MYO18B: variants seen among roughly 807,000 people sequenced by gnomAD.
MYO18B encodes unconventional myosin-XVIIIb.
Under a neutral mutation model 273.0 loss-of-function variants are expected in MYO18B, and 204 were observed. The ratio of observed to expected loss-of-function variants is 0.75; its 90% CI spans 0.67 to 0.84. The LOEUF (loss-of-function observed/expected upper bound fraction) is 0.84. Ranked by LOEUF, MYO18B falls within the 40% of genes least tolerant of loss-of-function variation. The pLI, the probability that MYO18B is intolerant of heterozygous loss-of-function variation, is 0.00. For missense variants in MYO18B, 3,212 were observed against 3,287.6 expected, an observed-to-expected ratio of 0.98 and a Z score of 0.56; for synonymous variants, 1,330 against 1,305.7, an observed-to-expected ratio of 1.02 and a Z score of -0.40.
intron 17 of MYO18B, among the ~76,000 whole-genome samples, chr22:25,839,154 A>C (rs1490334025): frequency 1.3e-5 from 2 of 150,602 alleles, no homozygotes; most frequent in African/African-American, 4.9e-5. Flanking sequence ...GAGTGTGTAT[A>C]TATGTGTGTG....
At chr22:25,798,165 C>T (rs1011357221) in intron 12 of MYO18B, 68 bp downstream of exon 12, 3 of 1,500,770 alleles carry the variant, frequency 2.0e-6, no homozygotes, top group Non-Finnish European at 1.8e-6. Context: ...TGACAAGGCC[C>T]TTCTCTCGGA....
At chr22:26,051,400 T>G in the MYO18B span, among the ~76,000 whole-genome samples, 2 of 152,042 alleles carry the variant, frequency 1.3e-5, no homozygotes, top group Non-Finnish European at 2.9e-5. Context: ...ATTTTTTGTA[T>G]TTTTAGTAGA....
Position 25,768,465 on chromosome 22 carries a change from C to T in MYO18B, c.549C>T (p.Pro183=), listed in dbSNP as rs41281573. Residue 183 remains proline, a synonymous_variant, in exon 4 of 44, where the codon CCC becomes CCT. Transcript: ENST00000335473. ...HDAPPCKTSP[P]ATDTGKEKKG... is the part of the protein sequence containing the mutation. ...CCCCCCCTTGCAAGACCTCTCCCCC[C>T]GCCACAGATACTGGAAAGGAAAAGA... 2.7e-5 allele frequency: 43 copies of T among 1,607,212 alleles called. 1 individual carries two copies. Among genetic ancestry groups the T allele is most frequent in the Middle Eastern group, 1.6e-4 (1 of 6,070 alleles).
At chr22:26,018,825 G>A (rs775375514) in intron 42 of MYO18B, among the ~76,000 whole-genome samples, 1 of 152,054 alleles carries the variant, frequency 6.6e-6, no homozygotes, top group Non-Finnish European at 1.5e-5. Flanking sequence ...TGGTGGTGGC[G>A]AGCACCTGTA....
chr22:25,893,927 A>ACATCCATC (rs61392072), intron 27 of MYO18B, among the ~76,000 whole-genome samples: 119 of 150,924 alleles, frequency 7.9e-4, no homozygotes, highest in African/African-American at 2.7e-3. Context: ...GTCTACACTA[A>ACATCCATC]CATCCATCCA....
intron 39 of MYO18B, among the ~76,000 whole-genome samples, chr22:25,961,041 TAAGGAAGG>T (rs528882239): frequency 1.3e-5 from 2 of 151,196 alleles, no homozygotes; most frequent in Non-Finnish European, 3.0e-5. Flanking sequence ...AGGAAGGAAT[TAAGGAAGG>T]AAGGAAGGAA....
In MYO18B at chr22:25,890,799, G is replaced by T. The variant is rs751693854; in HGVS notation, c.4358G>T (p.Gly1453Val). 5.0e-6 allele frequency: 8 copies of T among 1,613,938 alleles called. No individual in the cohort carries two copies. The highest frequency in any genetic ancestry group is 1.6e-4 in the Middle Eastern group (1 of 6,062). The change falls in exon 26 of 44, where the codon GGT becomes GTT. Residue 1453 changes from glycine to valine, a missense_variant. Transcript: ENST00000335473. ...GACCTTGCCGATGAGCGCTTCAAAG[G>T]TGATGTGGCCTGCCAGGTGCTGGAG... ...TSDLADERFK[G>V]DVACQVLESE...
chr22:25,972,543 T>C (rs144134612), intron 39 of MYO18B, among the ~76,000 whole-genome samples: 30 of 152,310 alleles, frequency 2.0e-4, no homozygotes, highest in Non-Finnish European at 3.7e-4. Context: ...TGAGTCAGAA[T>C]TGGCTTTTTA....
the MYO18B span, among the ~76,000 whole-genome samples, chr22:26,057,721 C>T: frequency 2.0e-5 from 3 of 152,092 alleles, no homozygotes; most frequent in Non-Finnish European, 4.4e-5. Flanking sequence ...CAACTCTTCC[C>T]TTAATAGTTA....
intron 1 of MYO18B, among the ~76,000 whole-genome samples, chr22:25,745,270 C>T (rs547988396): frequency 1.3e-5 from 2 of 151,926 alleles, no homozygotes; most frequent in Non-Finnish European, 2.9e-5. Context: ...CCACCACGCC[C>T]GGCTAATTTT....
rs781272966 is a variant in MYO18B, at chr22:25,847,423, G to T, written c.3553-7G>T. ...AACTGGCCCTGACCTCCCTCTATTT[G>T]GTCTAGGATGCGCTGACCAGCATGA... On this transcript the variant is annotated splice_region_variant and splice_polypyrimidine_tract_variant and intron_variant, in intron 19 of 43. Transcript: ENST00000335473. The T allele has an allele frequency of 1.3e-6, 2 of 1,559,554 alleles. No homozygotes were observed. Among genetic ancestry groups the T allele is most frequent in the South Asian group, 2.4e-5 (2 of 84,406 alleles).
At chr22:25,779,628 A>C (rs1266840849) in intron 8 of MYO18B, among the ~76,000 whole-genome samples, 1 of 152,224 alleles carries the variant, frequency 6.6e-6, no homozygotes, top group African/African-American at 2.4e-5. Flanking sequence ...GTTGCATTGT[A>C]GGTATGCAAT....
Position 25,883,140 on chromosome 22 carries a change from C to A in MYO18B, c.4314+5092C>A, listed in dbSNP as rs2091394368. Among the ~76,000 whole-genome samples, 1 of 152,110 alleles carries A rather than the reference C, an allele frequency of 6.6e-6. No homozygotes were observed. Among genetic ancestry groups the A allele is most frequent in the Non-Finnish European group, 1.5e-5 (1 of 68,026 alleles). On this transcript the variant is annotated intron_variant, in intron 25 of 43. Coordinates refer to ENST00000335473, the MANE Select transcript of MYO18B (RefSeq NM_032608.7). This position sits in a 1 kb window ranked among gnomAD's most constrained non-coding sequence, Gnocchi z 7.6. ...TCTCCAATTCCTGGGCTCAAGCGAT[C>A]CTCCTGCCTTGGCCTCCCAGAGTGC...
chr22:26,062,917 G>A, the MYO18B span, among the ~76,000 whole-genome samples: 1 of 152,278 alleles, frequency 6.6e-6, no homozygotes, highest in South Asian at 2.1e-4. Context: ...ACACAGGGTA[G>A]CCTCCATCCA....
In MYO18B at chr22:25,903,721, G is replaced by A. The variant is rs749666378; in HGVS notation, c.5038G>A (p.Glu1680Lys). ...GCTGCTGGGGTCACCCTCTCTGGGG[G>A]AAAATTGCGTTGCTGGCTTGAAGGA... ...RELLGSPSLG[E>K]NCVAGLKERL... The change falls in exon 31 of 44, where the codon GAA (glutamate) becomes AAA (lysine). Residue 1680 changes from glutamate to lysine, a missense_variant. Physicochemically the swap from Glu to Lys is moderately conservative, Grantham distance 56. Transcript: ENST00000335473. 8.1e-6 allele frequency: 13 copies of A among 1,607,946 alleles called. No individual in the cohort carries two copies. In the East Asian group the frequency reaches 2.5e-4, roughly 30 times the overall value.
chr22:25,935,247 T>C (rs2092561735), intron 34 of MYO18B, among the ~76,000 whole-genome samples: 1 of 152,100 alleles, frequency 6.6e-6, no homozygotes, highest in African/African-American at 2.4e-5. Context: ...GACACTTCCA[T>C]AAGGTCAGGA....
intron 32 of MYO18B, 78 bp downstream of exon 32, chr22:25,908,510 AGTAGGACAG>A: frequency 1.6e-6 from 2 of 1,227,174 alleles, no homozygotes; most frequent in Non-Finnish European, 2.3e-6. Context: ...TAGAGCGAGG[AGTAGGACAG>A]GGTCTGGGAT....
rs1334273961 is a variant in MYO18B at position 25,811,939 on chromosome 22, AAC to A, written c.2522-11563_2522-11562del. On this transcript the variant is annotated intron_variant, in intron 12 of 43. Transcript: ENST00000335473. ...CACCCAATTCACCTCCCTGGATGTT[AAC>A]ACGGACAGGTTGACTCATTTAGCCC... Among the ~76,000 whole-genome samples, 8 of 152,304 alleles carry A rather than the reference AAC, an allele frequency of 5.3e-5. No homozygotes were observed. In the East Asian group the frequency reaches 1.5e-3, roughly 29 times the overall value.
chr22:25,969,511 T>C (rs2093013662), intron 39 of MYO18B, among the ~76,000 whole-genome samples: 1 of 152,234 alleles, frequency 6.6e-6, no homozygotes, highest in Non-Finnish European at 1.5e-5. Context: ...CTATTTTCTA[T>C]GGCTGCTTTG....
Sources: allele counts gnomAD v4.1 joint callset (sites outside exome capture counted in the v4.1 genomes callset), GRCh38; gene constraint gnomAD v4.1.1; non-coding constraint Gnocchi (gnomAD v3.1); transcripts MANE v1.5; gene names NCBI Gene and HGNC (gene_info 2026-07-23, HGNC 2026-07-21).